DSC1: variants seen among roughly 807,000 people sequenced by gnomAD.
DSC1 encodes desmocollin-1.
Under a neutral mutation model 98.8 loss-of-function variants are expected in DSC1, and 79 were observed. The ratio of observed to expected loss-of-function variants is 0.80; its 90% CI spans 0.67 to 0.96. The LOEUF is 0.96. Ranked by LOEUF, DSC1 falls within the 50% of genes least tolerant of loss-of-function variation. The probability of loss-of-function intolerance (pLI) is 0.00; values close to 1 mark genes in which losing one functional copy is unlikely to be tolerated. For missense variants in DSC1, 1,115 were observed against 1,075.9 expected (o/e 1.04, Z -0.51); for synonymous variants, 405 against 372.1 (o/e 1.09, Z -1.02).
chr18:31,130,709 C>G lies in DSC1; in HGVS notation c.2490G>C (p.Lys830Asn), dbSNP rs374160616. The G allele has an allele frequency of 6.2e-6, 10 of 1,613,394 alleles. No individual in the cohort carries two copies. The highest frequency in any genetic ancestry group is 8.5e-6 in the Non-Finnish European group (10 of 1,179,862). Residue 830 changes from lysine (K) to asparagine (N), a missense_variant and splice_region_variant, in exon 16 of 16, where the codon AAG becomes AAC. Physicochemically the swap from Lys to Asn is moderately conservative, Grantham distance 94. Transcript: ENST00000257198. ...CCTCATCTTGTCCACACAAATACACCTTCTGTATCAAAAAAGAGCACATTT... is the reference window on the plus strand; with the variant it reads ...CCTCATCTTGTCCACACAAATACACGTTCTGTATCAAAAAAGAGCACATTT... ...QSFTQPRLGEKVYLCGQDEEH... is the reference protein window; with the variant it reads ...QSFTQPRLGENVYLCGQDEEH...
At position 31,134,227 on chromosome 18, in the gene DSC1, T is replaced by A. The variant is rs1318275041; in HGVS notation, c.1877-97A>T. The A allele has an allele frequency of 5.9e-5, 85 of 1,436,930 alleles. No individual in the cohort carries two copies. The East Asian group carries it at 1.5e-3, about 26-fold the overall frequency. The allele number at this position is 1,436,930 out of a possible 1,614,324, so 89.0% of individuals were successfully genotyped here. ...TCAGTGGAAGGGAATCAATTTAGAA[T>A]AAAAACTCGAATTTTTCTTTTTTTT... On this transcript the variant is annotated intron_variant, in intron 12 of 15. Transcript: ENST00000257198.
intron 5 of DSC1, among the ~76,000 whole-genome samples, chr18:31,152,055 G>T (rs191045436): frequency 6.6e-6 from 1 of 151,974 alleles, no homozygotes; most frequent in Non-Finnish European, 1.5e-5. Context: ...CCAGCTACTC[G>T]GGAGGTTGAG....
chr18:31,134,311 T>C (rs1457576412), intron 12 of DSC1, among the ~76,000 whole-genome samples, 181 bp from the exon 13 acceptor site: 2 of 152,058 alleles, frequency 1.3e-5, no homozygotes, highest in African/African-American at 4.8e-5. Context: ...TTTATGCTGA[T>C]ATTAAACTAA....
intron 1 of DSC1, among the ~76,000 whole-genome samples, chr18:31,161,345 C>T (rs138978686): frequency 0.015 from 2,332 of 151,202 alleles, 46 homozygotes; most frequent in African/African-American, 0.045. Context: ...TGTATATGTG[C>T]GTGTGTGTAT....
Position 31,145,600 on chromosome 18 carries a change from A to G in DSC1, c.939+11T>C, listed in dbSNP as rs966973746. On this transcript the variant is annotated intron_variant, in intron 7 of 15. Coordinates refer to ENST00000257198, the MANE Select transcript of DSC1 (RefSeq NM_024421.2). The stretch of plus-strand genomic sequence containing the variant: ...AGTTCAATGACTAGATAGTTAATTA[A>G]TCATCATTACTTCTCTATCCAGAAA... The G allele has an allele frequency of 6.2e-7, 1 of 1,613,504 alleles. No individual in the cohort carries two copies. The highest frequency in any genetic ancestry group is 2.2e-5 in the East Asian group (1 of 44,880).
rs1567998407 is a variant in DSC1, at chr18:31,140,017, AGG to A, written c.1520+23_1520+24del. The stretch of plus-strand genomic sequence containing the variant: ...ACAATTTACATCACAATTAAAATTA[AGG>A]AGCTTTTTGAAAAGTACATCACCTT... On this transcript the variant is annotated intron_variant, in intron 10 of 15. Coordinates refer to ENST00000257198, the MANE Select transcript of DSC1 (RefSeq NM_024421.2). 5.0e-6 allele frequency: 8 copies of A among 1,584,684 alleles called. No individual in the cohort carries two copies. The East Asian group carries it at 1.8e-4, about 36-fold the overall frequency.
Position 31,143,873 on chromosome 18 carries a change from G to A in DSC1, c.940-82C>T, listed in dbSNP as rs577042676. 156 of 995,472 alleles carry A rather than the reference G, an allele frequency of 1.6e-4. 2 individuals carry two copies. In the South Asian group the frequency reaches 2.2e-3, roughly 14 times the overall value. The allele number at this position is 995,472 out of a possible 1,614,324, so 61.7% of individuals were successfully genotyped here. ...TTCTCACAACCACTTGTTTAGGCAC[G>A]ATTATTGTACAAATATTCTTTTTTA... is the stretch of plus-strand genomic sequence containing the variant. On this transcript the variant is annotated intron_variant, in intron 7 of 15. Coordinates refer to ENST00000257198, the MANE Select transcript of DSC1 (RefSeq NM_024421.2).
In DSC1 at chr18:31,145,884, G is replaced by A. The variant is rs183612936; in HGVS notation, c.773-107C>T. 312 of 1,183,924 alleles carry A rather than the reference G, an allele frequency of 2.6e-4. 1 individual carries two copies. In the East Asian group the frequency reaches 6.5e-3, roughly 25 times the overall value. The allele number at this position is 1,183,924 out of a possible 1,614,324, so 73.3% of individuals were successfully genotyped here. A position where few individuals can be genotyped will look rare whatever the true frequency, so the allele number is the denominator to read the frequency against. On this transcript the variant is annotated intron_variant, in intron 6 of 15. Coordinates refer to ENST00000257198, the MANE Select transcript of DSC1 (RefSeq NM_024421.2). ...TAGCAAATTCTCCCCCAAACCACAA[G>A]TAGATTAGTTCTACTGTTAAGTTGA... is the stretch of plus-strand genomic sequence containing the variant.
Position 31,130,690 on chromosome 18 carries a change from C to A in DSC1, c.2509G>T (p.Asp837Tyr). The A allele has an allele frequency of 6.2e-7, 1 of 1,614,138 alleles. No individual in the cohort carries two copies. The highest frequency in any genetic ancestry group is 1.1e-5 in the South Asian group (1 of 91,080). Reference protein sequence around the residue: ...LGEKVYLCGQDEEHKHCEDYV... With the variant: ...LGEKVYLCGQYEEHKHCEDYV... ...TCTTCACAATGTTTATGCTCCTCAT[C>A]TTGTCCACACAAATACACCTTCTGT... is the stretch of plus-strand genomic sequence containing the variant. Residue 837 changes from aspartate (D) to tyrosine (Y), a missense_variant, in exon 16 of 16, where the codon GAT becomes TAT. Asp to Tyr is a radical substitution (Grantham distance 160). Coordinates refer to ENST00000257198, the MANE Select transcript of DSC1 (RefSeq NM_024421.2).
intron 8 of DSC1, among the ~76,000 whole-genome samples, chr18:31,143,224 T>C: frequency 6.6e-6 from 1 of 151,938 alleles, no homozygotes; most frequent in East Asian, 1.9e-4. Flanking sequence ...TGTTTGGAGT[T>C]GTGAGCCAGC....
In DSC1 at chr18:31,162,698, GC is replaced by G; in HGVS notation, c.-105del. ...TGGCACTTGCACAGGGTATTCTGCT[GC>G]CACCTTGATGCAGCTGAGCTTGGTT... On this transcript the variant is annotated 5_prime_UTR_variant, in exon 1 of 16. Transcript: ENST00000257198. The G allele has an allele frequency of 1.0e-6, 1 of 969,568 alleles. No homozygotes were observed. Among genetic ancestry groups the G allele is most frequent in the Non-Finnish European group, 1.6e-6 (1 of 614,622 alleles). 60.1% of individuals were successfully genotyped at this position (969,568 alleles called of 1,614,324 possible).
At chr18:31,138,002 TGTGTGTGG>T (rs1988648595) in intron 11 of DSC1, among the ~76,000 whole-genome samples, 2 of 149,786 alleles carry the variant, frequency 1.3e-5, no homozygotes, top group African/African-American at 5.0e-5. Context: ...TGTGTGTGTG[TGTGTGTGG>T]ATTAAAGTTC....
Position 31,131,585 on chromosome 18 carries a change from G to A in DSC1, c.2487+9C>T. The A allele has an allele frequency of 6.2e-7, 1 of 1,613,932 alleles. No homozygotes were observed. Among genetic ancestry groups the A allele is most frequent in the African/African-American group, 1.3e-5 (1 of 75,018 alleles). Reference sequence around the variant, plus strand: ...CATGTAATATGACCTCAAAGACAGTGGAACTTACTTCGCCAAGCCGAGGTT... The same window carrying A: ...CATGTAATATGACCTCAAAGACAGTAGAACTTACTTCGCCAAGCCGAGGTT... On this transcript the variant is annotated intron_variant, in intron 15 of 15. Transcript: ENST00000257198.
chr18:31,146,614 T>C (rs1362902453), intron 6 of DSC1, among the ~76,000 whole-genome samples: 1 of 152,168 alleles, frequency 6.6e-6, no homozygotes, highest in Non-Finnish European at 1.5e-5. Flanking sequence ...GTAATGGCAT[T>C]GCTGGCTCAA....
At chr18:31,144,579 T>A (rs1427341373) in intron 7 of DSC1, among the ~76,000 whole-genome samples, 1 of 152,152 alleles carries the variant, frequency 6.6e-6, no homozygotes, top group East Asian at 1.9e-4. Flanking sequence ...AGTAAAAATA[T>A]CAGTGGTTGC....
chr18:31,148,365 A>G, intron 6 of DSC1, 133 bp downstream of exon 6: 1 of 1,146,434 alleles, frequency 8.7e-7, no homozygotes. Context: ...TCCTAATGGG[A>G]AAAAAAGTGT....
Position 31,143,858 on chromosome 18 carries a change from C to T in DSC1, c.940-67G>A, listed in dbSNP as rs1055440961. On this transcript the variant is annotated intron_variant, in intron 7 of 15. Transcript: ENST00000257198. The stretch of plus-strand genomic sequence containing the variant: ...TCCTATAACTTGCAATTCTCACAAC[C>T]ACTTGTTTAGGCACGATTATTGTAC... The T allele has an allele frequency of 4.6e-6, 6 of 1,290,438 alleles. No homozygotes were observed. The African/African-American group carries it at 6.1e-5, about 13-fold the overall frequency. The allele number at this position is 1,290,438 out of a possible 1,614,324, so 79.9% of individuals were successfully genotyped here.
intron 5 of DSC1, among the ~76,000 whole-genome samples, 196 bp downstream of exon 5, chr18:31,154,578 C>T (rs549249518): frequency 6.6e-6 from 1 of 152,020 alleles, no homozygotes; most frequent in South Asian, 2.1e-4. Flanking sequence ...CTTTACCTCC[C>T]CCGCCACTTC....
At chr18:31,147,444 C>T (rs1384445260) in intron 6 of DSC1, among the ~76,000 whole-genome samples, 1 of 152,024 alleles carries the variant, frequency 6.6e-6, no homozygotes, top group African/African-American at 2.4e-5. Flanking sequence ...CAATTAGCTG[C>T]CTTCTATATG....
Sources: allele counts gnomAD v4.1 joint callset (sites outside exome capture counted in the v4.1 genomes callset), GRCh38; gene constraint gnomAD v4.1.1; transcripts MANE v1.5; gene names NCBI Gene and HGNC (gene_info 2026-07-23, HGNC 2026-07-21).